UAP1L1: variants seen among roughly 807,000 people sequenced by gnomAD.
UAP1L1 encodes UDP-N-acetylhexosamine pyrophosphorylase-like protein 1.
Under a neutral mutation model 45.3 loss-of-function variants are expected in UAP1L1, and 45 were observed. The observed-to-expected ratio is 0.99, with a 90% CI of 0.78 to 1.27. UAP1L1 has a LOEUF of 1.27. UAP1L1 is among the 50% of genes most tolerant of loss of function. The probability of loss-of-function intolerance (pLI) is 0.00; values close to 1 mark genes in which losing one functional copy is unlikely to be tolerated. For missense variants in UAP1L1, 667 were observed against 694.0 expected (o/e 0.96, Z 0.44); for synonymous variants, 323 against 303.9 (o/e 1.06, Z -0.65).
Position 137,080,732 on chromosome 9 carries a change from C to G in UAP1L1, c.1222C>G (p.Pro408Ala). ...AGTGCTGCGGGAGGAGGAATTTTCC[C>G]CACTGAAGAACGCAGAGCCAGCCGA... ...LEVLREEEFS[P>A]LKNAEPADRD... The change falls in exon 7 of 9, where the codon CCA becomes GCA. Residue 408 changes from proline (P) to alanine (A), a missense_variant. By Grantham distance (27) the Pro-to-Ala change is conservative. Transcript: ENST00000409858. The G allele has an allele frequency of 6.2e-7, 1 of 1,612,714 alleles. No individual in the cohort carries two copies. The highest frequency in any genetic ancestry group is 1.1e-5 in the South Asian group (1 of 91,068).
chr9:137,082,600 G>A lies in UAP1L1; in HGVS notation c.1432-37G>A, dbSNP rs1227253638. On this transcript the variant is annotated intron_variant, in intron 8 of 8. Coordinates refer to ENST00000409858, the MANE Select transcript of UAP1L1 (RefSeq NM_207309.3). This position sits in a 1 kb window ranked among gnomAD's most constrained non-coding sequence, Gnocchi z 5.7. ...CCAGAGGGGCTGTGACCCGCCAAAA[G>A]GTGGGTACTTGGCCATTGTCCCCTG... 1 of 1,519,160 alleles carries A rather than the reference G, an allele frequency of 6.6e-7. No individual in the cohort carries two copies. Among genetic ancestry groups the A allele is most frequent in the Non-Finnish European group, 8.9e-7 (1 of 1,117,896 alleles). 94.1% of individuals were successfully genotyped at this position (1,519,160 alleles called of 1,614,324 possible).
Position 137,082,206 on chromosome 9 carries a change from C to A in UAP1L1, c.1431+142C>A. 1 of 834,780 alleles carries A rather than the reference C, an allele frequency of 1.2e-6. No homozygotes were observed. Among genetic ancestry groups the A allele is most frequent in the Non-Finnish European group, 2.0e-6 (1 of 501,942 alleles). The allele number at this position is 834,780 out of a possible 1,614,324, so 51.7% of individuals were successfully genotyped here. A position where few individuals can be genotyped will look rare whatever the true frequency, so the allele number is the denominator to read the frequency against. ...GTCGGTGGTTTAAATTTGCAGAAGA[C>A]TTTCCAAGATATGGGTTGGGGTGGG... is the stretch of plus-strand genomic sequence containing the variant. On this transcript the variant is annotated intron_variant, in intron 8 of 8. Coordinates refer to ENST00000409858, the MANE Select transcript of UAP1L1 (RefSeq NM_207309.3). This position sits in a 1 kb window ranked among gnomAD's most constrained non-coding sequence, Gnocchi z 5.7.
In UAP1L1 at chr9:137,081,978, G is replaced by C; in HGVS notation, c.1365-20G>C. ...TGGGCAGGTGCTGCAAGGAGATATT[G>C]ACAAGTGGACTTTCCCTAGCTTGCC... On this transcript the variant is annotated intron_variant, in intron 7 of 8. Transcript: ENST00000409858. 6.2e-7 allele frequency: 1 copy of C among 1,613,764 alleles called. No homozygotes were observed. Among genetic ancestry groups the C allele is most frequent in the Middle Eastern group, 1.7e-4 (1 of 6,058 alleles).
intron 6 of UAP1L1, chr9:137,080,483 T>C: frequency 1.6e-6 from 1 of 623,472 alleles, no homozygotes; most frequent in East Asian, 2.9e-5. Flanking sequence ...GGGTTGGGCC[T>C]TCGGCTGCTG....
In UAP1L1 at chr9:137,078,197, T is replaced by G. The variant is rs1229833285; in HGVS notation, c.437T>G (p.Ile146Ser). ...CTGTACCAGCTGCAGGCGGAGCGGA[T>G]TCGGCGGGTGGAGCAGCTGGCCGGT... is the stretch of plus-strand genomic sequence containing the variant. ...KTLYQLQAER[I>S]RRVEQLAGER... Residue 146 changes from isoleucine to serine, a missense_variant, in exon 2 of 9, where the codon ATT (isoleucine) becomes AGT (serine). Ile to Ser is a moderately radical substitution (Grantham distance 142). Transcript: ENST00000409858. 6.5e-7 allele frequency: 1 copy of G among 1,549,380 alleles called. No individual in the cohort carries two copies. Among genetic ancestry groups the G allele is most frequent in the South Asian group, 1.2e-5 (1 of 83,996 alleles).
Position 137,077,615 on chromosome 9 carries a change from C to G in UAP1L1, c.83C>G (p.Pro28Arg), listed in dbSNP as rs1832711052. 6.7e-6 allele frequency: 9 copies of G among 1,342,000 alleles called. No individual in the cohort carries two copies. The highest frequency in any genetic ancestry group is 8.7e-6 in the Non-Finnish European group (9 of 1,034,902). The allele number at this position is 1,342,000 out of a possible 1,614,324, so 83.1% of individuals were successfully genotyped here. A position where few individuals can be genotyped will look rare whatever the true frequency, so the allele number is the denominator to read the frequency against. ...CTGCGCTTCTGGGCCGAGCTGGCGC[C>G]GGAGCCACGAGCCGCGCTGCTGGCG... ...HLLRFWAELA[P>R]EPRAALLAEL... Residue 28 changes from proline (P) to arginine (R), a missense_variant, in exon 1 of 9, where the codon CCG becomes CGG. By Grantham distance (103) the Pro-to-Arg change is moderately radical. Coordinates refer to ENST00000409858, the MANE Select transcript of UAP1L1 (RefSeq NM_207309.3). The surrounding 1 kb of genome is among the most constrained non-coding windows in gnomAD (Gnocchi z 4.7).
Position 137,079,094 on chromosome 9 carries a change from G to A in UAP1L1, c.789G>A (p.Ala263=), listed in dbSNP as rs1324645348. Residue 263 remains alanine (A), a synonymous_variant, in exon 4 of 9, where the codon GCG becomes GCA. Transcript: ENST00000409858. ...TGGACAACATCCTGGTGCGGCTGGC[G>A]GACCCTGTCTTCATCGGCTTCTGTG... ...YCVDNILVRL[A]DPVFIGFCVL... The A allele has an allele frequency of 6.2e-7, 1 of 1,611,570 alleles. No homozygotes were observed. Among genetic ancestry groups the A allele is most frequent in the Non-Finnish European group, 8.5e-7 (1 of 1,179,510 alleles).
intron 3 of UAP1L1, 31 bp from the exon 4 acceptor site, chr9:137,078,945 T>C: frequency 3.2e-6 from 5 of 1,558,306 alleles, no homozygotes; most frequent in Non-Finnish European, 4.3e-6. Flanking sequence ...GCGGGAGCCC[T>C]CGCGATGCCC....
At position 137,078,541 on chromosome 9, in the gene UAP1L1, C is replaced by T; in HGVS notation, c.534C>T (p.Ala178=). Residue 178 remains alanine, a synonymous_variant, in exon 3 of 9, where the codon GCC becomes GCT. Transcript: ENST00000409858. ...MTSEFTLGPT[A]EFFREHNFFH... is the part of the protein sequence containing the mutation. Reference sequence around the variant, plus strand: ...GCGAGTTCACTCTGGGGCCCACGGCCGAGTTCTTCAGGGAGCACAACTTCT... The same window carrying T: ...GCGAGTTCACTCTGGGGCCCACGGCTGAGTTCTTCAGGGAGCACAACTTCT... 6.2e-7 allele frequency: 1 copy of T among 1,613,168 alleles called. No homozygotes were observed. Among genetic ancestry groups the T allele is most frequent in the Non-Finnish European group, 8.5e-7 (1 of 1,180,012 alleles).
intron 6 of UAP1L1, 174 bp from the exon 7 acceptor site, chr9:137,080,515 C>A: frequency 1.5e-6 from 1 of 662,622 alleles, no homozygotes; most frequent in Non-Finnish European, 2.5e-6. Context: ...TGGGATTGGG[C>A]CATCCCTGGC....
In UAP1L1 at chr9:137,077,852, C is replaced by A; in HGVS notation, c.289+31C>A. 7.0e-7 allele frequency: 1 copy of A among 1,430,744 alleles called. No homozygotes were observed. Among genetic ancestry groups the A allele is most frequent in the Non-Finnish European group, 9.1e-7 (1 of 1,096,866 alleles). The allele number at this position is 1,430,744 out of a possible 1,614,324, so 88.6% of individuals were successfully genotyped here. On this transcript the variant is annotated intron_variant, in intron 1 of 8. Transcript: ENST00000409858. This position sits in a 1 kb window ranked among gnomAD's most constrained non-coding sequence, Gnocchi z 4.7. Reference sequence around the variant, plus strand: ...CGGGGTGGGAGGCCCTGGGGGCCGGCAGGGGGTCGTGCCCACGGAGCGGGT... The same window carrying A: ...CGGGGTGGGAGGCCCTGGGGGCCGGAAGGGGGTCGTGCCCACGGAGCGGGT...
At chr9:137,079,555 G>T (rs1832759384) in intron 5 of UAP1L1, 106 bp downstream of exon 5, 13 of 1,156,504 alleles carry the variant, frequency 1.1e-5, no homozygotes, top group Non-Finnish European at 1.6e-5. Context: ...AGCGGCTGTG[G>T]TCAGGAGTGG....
rs954971023 is a variant in UAP1L1 at position 137,082,150 on chromosome 9, C to T, written c.1431+86C>T. On this transcript the variant is annotated intron_variant, in intron 8 of 8. Transcript: ENST00000409858. This position sits in a 1 kb window ranked among gnomAD's most constrained non-coding sequence, Gnocchi z 5.7. ...GGAGAGGTGGCTGCTCGGGTGGAGA[C>T]GGCACAGCTCTACCTCGGTTAACCA... The T allele has an allele frequency of 8.2e-5, 105 of 1,275,498 alleles. No homozygotes were observed. The highest frequency in any genetic ancestry group is 1.2e-4 in the African/African-American group (8 of 68,134). The allele number at this position is 1,275,498 out of a possible 1,614,324, so 79.0% of individuals were successfully genotyped here.
chr9:137,080,965 C>T, intron 7 of UAP1L1, 91 bp downstream of exon 7: 1 of 1,296,764 alleles, frequency 7.7e-7, no homozygotes, highest in South Asian at 1.5e-5. Context: ...TCTGCGACAG[C>T]CATGCTGGGG....
chr9:137,081,945 G>C, intron 7 of UAP1L1, 53 bp from the exon 8 acceptor site: 2 of 1,578,230 alleles, frequency 1.3e-6, no homozygotes, highest in South Asian at 2.2e-5. Context: ...GGTGCTGGGG[G>C]AGGGCTCTGG....
Position 137,077,764 on chromosome 9 carries a change from C to A in UAP1L1, c.232C>A (p.Arg78Ser). Residue 78 changes from arginine to serine, a missense_variant, in exon 1 of 9, where the codon CGC (arginine) becomes AGC (serine). Coordinates refer to ENST00000409858, the MANE Select transcript of UAP1L1 (RefSeq NM_207309.3). This position sits in a 1 kb window ranked among gnomAD's most constrained non-coding sequence, Gnocchi z 4.7. The part of the protein sequence containing the change: ...AARLRPLPPE[R>S]VGRASRSDPE... ...GCGCCTGCGGCCCCTGCCCCCAGAGCGCGTGGGCAGGGCCAGCCGCAGCGA... is the reference window on the plus strand; with the variant it reads ...GCGCCTGCGGCCCCTGCCCCCAGAGAGCGTGGGCAGGGCCAGCCGCAGCGA... 7.8e-7 allele frequency: 1 copy of A among 1,279,806 alleles called. No homozygotes were observed. The highest frequency in any genetic ancestry group is 1.6e-5 in the African/African-American group (1 of 64,272). 79.3% of individuals were successfully genotyped at this position (1,279,806 alleles called of 1,614,324 possible).
intron 5 of UAP1L1, 112 bp from the exon 6 acceptor site, chr9:137,079,890 C>T (rs1832764268): frequency 2.3e-6 from 3 of 1,330,052 alleles, no homozygotes; most frequent in Non-Finnish European, 1.0e-6. Flanking sequence ...CTGTAGTGTC[C>T]TTCTGCCATC....
In UAP1L1 at chr9:137,082,198, G is replaced by A; in HGVS notation, c.1431+134G>A. The A allele has an allele frequency of 1.1e-6, 1 of 890,590 alleles. No homozygotes were observed. Among genetic ancestry groups the A allele is most frequent in the Non-Finnish European group, 1.8e-6 (1 of 543,782 alleles). 55.2% of individuals were successfully genotyped at this position (890,590 alleles called of 1,614,324 possible). A position where few individuals can be genotyped will look rare whatever the true frequency, so the allele number is the denominator to read the frequency against. On this transcript the variant is annotated intron_variant, in intron 8 of 8. Transcript: ENST00000409858. This position sits in a 1 kb window ranked among gnomAD's most constrained non-coding sequence, Gnocchi z 5.7. Reference sequence around the variant, plus strand: ...CCAATGGGGTCGGTGGTTTAAATTTGCAGAAGACTTTCCAAGATATGGGTT... The same window carrying A: ...CCAATGGGGTCGGTGGTTTAAATTTACAGAAGACTTTCCAAGATATGGGTT...
chr9:137,079,910 C>T (rs1300674600), intron 5 of UAP1L1, 92 bp from the exon 6 acceptor site: 14 of 1,502,722 alleles, frequency 9.3e-6, no homozygotes, highest in South Asian at 1.2e-5. Context: ...CCTGTCCCAC[C>T]CAGCTGGGTG....
Sources: allele counts gnomAD v4.1 joint callset, GRCh38; gene constraint gnomAD v4.1.1; non-coding constraint Gnocchi (gnomAD v3.1); transcripts MANE v1.5; gene names NCBI Gene and HGNC (gene_info 2026-07-23, HGNC 2026-07-21).